The following TSR1 variants were observed in gnomAD, a reference collection of about 807,000 sequenced individuals.
The protein encoded by TSR1 is TSR1 ribosome maturation factor.
A neutral mutation model predicts 90.9 loss-of-function variants in TSR1; 81 were observed. The ratio of observed to expected loss-of-function variants is 0.89; its 90% CI spans 0.74 to 1.07. The LOEUF is 1.07. Among genes scored for constraint, TSR1 ranks in the 50% least tolerant of loss-of-function variants. TSR1 has a pLI of 0.00. For synonymous variants in TSR1, 362 were observed against 348.8 expected (o/e 1.04, Z -0.42); for missense variants, 989 against 987.3 (o/e 1.00, Z -0.02).
chr17:2,323,356 A>T lies in TSR1; in HGVS notation c.*840T>A, dbSNP rs1476183526. The T allele has an allele frequency of 6.2e-7, 1 of 1,613,756 alleles. No individual in the cohort carries two copies. Among genetic ancestry groups the T allele is most frequent in the Non-Finnish European group, 8.5e-7 (1 of 1,179,794 alleles). ...GAGGATGAAATTAAGGTGAGGCTCC[A>T]GCAAGAAAAGAAATAGCAAAGCATG... On this transcript the variant is annotated 3_prime_UTR_variant, in exon 15 of 15. Coordinates refer to ENST00000301364, the MANE Select transcript of TSR1 (RefSeq NM_018128.5).
chr17:2,333,731 CAG>C lies in TSR1; in HGVS notation c.982-17_982-16del. 1 of 1,613,772 alleles carries C rather than the reference CAG, an allele frequency of 6.2e-7. No individual in the cohort carries two copies. Among genetic ancestry groups the C allele is most frequent in the Non-Finnish European group, 8.5e-7 (1 of 1,179,844 alleles). ...GTAGCACAAATCTGAAAACCAAAAGCAGGTGATAGTCAACCATGAACCAAAAA... is the reference window on the plus strand; with the variant it reads ...GTAGCACAAATCTGAAAACCAAAAGCGTGATAGTCAACCATGAACCAAAAA... On this transcript the variant is annotated splice_polypyrimidine_tract_variant and intron_variant, in intron 5 of 14. Transcript: ENST00000301364.
At chr17:2,328,450 C>T (rs1025066623) in intron 11 of TSR1, among the ~76,000 whole-genome samples, 1 of 150,790 alleles carries the variant, frequency 6.6e-6, no homozygotes, top group Non-Finnish European at 1.5e-5. Context: ...TGGGCATGGT[C>T]GTGCATGCCT....
chr17:2,327,924 T>TA (rs907305419), intron 11 of TSR1, among the ~76,000 whole-genome samples: 32 of 146,838 alleles, frequency 2.2e-4, no homozygotes, highest in Middle Eastern at 3.5e-3. Flanking sequence ...TAGTTCATCC[T>TA]AAAAAAAAAA....
rs2075565055 is a variant in TSR1 at position 2,324,785 on chromosome 17, G to T, written c.2065C>A (p.Pro689Thr). ...ACTCTCTTGATGACCATTCTGTCTGGATCTACTGACATAAGATGGCCTGTA... is the reference window on the plus strand; with the variant it reads ...ACTCTCTTGATGACCATTCTGTCTGTATCTACTGACATAAGATGGCCTGTA... ...IATGHLMSVDPDRMVIKRVVL... is the reference protein window; with the variant it reads ...IATGHLMSVDTDRMVIKRVVL... The change falls in exon 13 of 15, where the codon CCA becomes ACA. Residue 689 changes from proline (P) to threonine (T), a missense_variant. Transcript: ENST00000301364. The T allele has an allele frequency of 6.2e-7, 1 of 1,613,950 alleles. No homozygotes were observed. The highest frequency in any genetic ancestry group is 1.1e-5 in the South Asian group (1 of 91,064).
chr17:2,336,131 G>A lies in TSR1; in HGVS notation c.107C>T (p.Ala36Val), dbSNP rs531147395. Residue 36 changes from alanine (A) to valine (V), a missense_variant, in exon 2 of 15, where the codon GCA becomes GTA. Physicochemically the swap from Ala to Val is moderately conservative, Grantham distance 64. Coordinates refer to ENST00000301364, the MANE Select transcript of TSR1 (RefSeq NM_018128.5). ...CACCTTCTTGCTTAGGGTTTTCAGTGCCAGACGGCCTGAATGGCAGATTAG... is the reference window on the plus strand; with the variant it reads ...CACCTTCTTGCTTAGGGTTTTCAGTACCAGACGGCCTGAATGGCAGATTAG... The part of the protein sequence containing the change: ...SAQRDGKGRL[A>V]LKTLSKKVRK... 2.5e-6 allele frequency: 4 copies of A among 1,614,172 alleles called. No individual in the cohort carries two copies. The highest frequency in any genetic ancestry group is 1.3e-5 in the African/African-American group (1 of 75,062).
chr17:2,332,131 G>T, intron 8 of TSR1, 38 bp downstream of exon 8: 1 of 1,592,044 alleles, frequency 6.3e-7, no homozygotes, highest in Non-Finnish European at 8.5e-7. Context: ...AAAACGTATT[G>T]ACTGAATTTA....
chr17:2,335,417 G>T (rs1322419799), intron 3 of TSR1, 23 bp from the exon 4 acceptor site: 1 of 1,593,962 alleles, frequency 6.3e-7, no homozygotes, highest in South Asian at 1.1e-5. Context: ...GACACAGTAA[G>T]AAGAGGTGGT....
At position 2,324,031 on chromosome 17, in the gene TSR1, T is replaced by G; in HGVS notation, c.*165A>C. 8.3e-7 allele frequency: 1 copy of G among 1,200,872 alleles called. No individual in the cohort carries two copies. 74.4% of individuals were successfully genotyped at this position (1,200,872 alleles called of 1,614,324 possible). On this transcript the variant is annotated 3_prime_UTR_variant, in exon 15 of 15. Transcript: ENST00000301364. ...TTTGGACTAAGTAGTGGAAAAACTT[T>G]TATACTTAACTGAGACATTTTGTCA...
chr17:2,322,490 C>T lies in TSR1; in HGVS notation c.*1706G>A, dbSNP rs189932514. On this transcript the variant is annotated 3_prime_UTR_variant, in exon 15 of 15. Transcript: ENST00000301364. ...CTCTTACTTGGGCAGAAATGTATTA[C>T]TTATTGTGCCTATTTTCTTTTTTTT... The T allele has an allele frequency of 6.6e-6, 1 of 152,270 alleles. No homozygotes were observed. Among genetic ancestry groups the T allele is most frequent in the African/African-American group, 2.4e-5 (1 of 41,520 alleles). 9.4% of individuals were successfully genotyped at this position (152,270 alleles called of 1,614,324 possible).
rs759910186 is a variant in TSR1 at position 2,335,550 on chromosome 17, G to C, written c.382C>G (p.Arg128Gly). The C allele has an allele frequency of 8.1e-6, 13 of 1,614,056 alleles. No individual in the cohort carries two copies. Among genetic ancestry groups the C allele is most frequent in the Non-Finnish European group, 1.1e-5 (13 of 1,180,020 alleles). The change falls in exon 3 of 15, where the codon CGC (arginine) becomes GGC (glycine). Residue 128 changes from arginine to glycine, a missense_variant. Physicochemically the swap from Arg to Gly is moderately radical, Grantham distance 125 (BLOSUM62 -2). Coordinates refer to ENST00000301364, the MANE Select transcript of TSR1 (RefSeq NM_018128.5). ...NTQNFMLLCP[R>G]LKHRWFFTSA... ...GTGAAAAACCACCGATGTTTCAAGC[G>C]GGGGCACAGCAGCATAAAGTTCTGG...
intron 2 of TSR1, 139 bp downstream of exon 2, chr17:2,335,898 C>G: frequency 8.2e-7 from 1 of 1,215,774 alleles, no homozygotes; most frequent in Non-Finnish European, 1.2e-6. Flanking sequence ...GCAAAGAATG[C>G]TAGACCTGCA....
rs766636469 is a variant in TSR1 at position 2,330,498 on chromosome 17, ACAAGACAGCAATTTACCTTCTGTT to A, written c.1763_1770+16del. ...AAGTTTCACAACCCCCCATTTTCCCACAAGACAGCAATTTACCTTCTGTTCATGAGGTAGTAAAGAAAATGCAAT... is the reference window on the plus strand; with the variant it reads ...AAGTTTCACAACCCCCCATTTTCCCACATGAGGTAGTAAAGAAAATGCAAT... On this transcript the variant is annotated splice_donor_variant and splice_donor_5th_base_variant and coding_sequence_variant and intron_variant, in exon 10 of 15. Transcript: ENST00000301364. LOFTEE classifies it high-confidence loss of function. 17 of 1,609,534 alleles carry A rather than the reference ACAAGACAGCAATTTACCTTCTGTT, an allele frequency of 1.1e-5. No homozygotes were observed. The African/African-American group carries it at 2.1e-4, about 20-fold the overall frequency.
chr17:2,333,144 T>G lies in TSR1; in HGVS notation c.1142-20A>C. ...AGAAATCTGTAAAAGCCCAAACAAA[T>G]TAAGTAAATTACAGACTTCTTTTCC... On this transcript the variant is annotated intron_variant, in intron 6 of 14. Coordinates refer to ENST00000301364, the MANE Select transcript of TSR1 (RefSeq NM_018128.5). 1 of 1,612,370 alleles carries G rather than the reference T, an allele frequency of 6.2e-7. No homozygotes were observed. The highest frequency in any genetic ancestry group is 8.5e-7 in the Non-Finnish European group (1 of 1,178,922).
intron 10 of TSR1, 85 bp downstream of exon 10, chr17:2,330,430 A>T: frequency 3.2e-6 from 4 of 1,238,786 alleles, no homozygotes; most frequent in African/African-American, 1.5e-5. Context: ...GCAAAATTTT[A>T]GTCACACATA....
In TSR1 at chr17:2,323,183, A is replaced by G. The variant is rs2075548221; in HGVS notation, c.*1013T>C. On this transcript the variant is annotated 3_prime_UTR_variant, in exon 15 of 15. Transcript: ENST00000301364. ...TATATGCTGCTGAACCCTCAAATGCAGATGACTGCTACCAGTCCAAGCTGA... is the reference window on the plus strand; with the variant it reads ...TATATGCTGCTGAACCCTCAAATGCGGATGACTGCTACCAGTCCAAGCTGA... 6.2e-7 allele frequency: 1 copy of G among 1,614,134 alleles called. No homozygotes were observed. Among genetic ancestry groups the G allele is most frequent in the African/African-American group, 1.3e-5 (1 of 74,944 alleles).
chr17:2,325,733 C>T (rs922930638), intron 11 of TSR1, among the ~76,000 whole-genome samples: 3 of 152,004 alleles, frequency 2.0e-5, no homozygotes, highest in Admixed American at 6.6e-5. Context: ...CTGCCTCAGC[C>T]TCCTGAGTAG....
intron 6 of TSR1, 32 bp downstream of exon 6, chr17:2,333,525 G>C (rs1468132105): frequency 6.2e-7 from 1 of 1,613,534 alleles, no homozygotes; most frequent in Non-Finnish European, 8.5e-7. Flanking sequence ...TTCCAGGTCA[G>C]ATGAATTACA....
chr17:2,334,089 C>T (rs2064026932), intron 5 of TSR1, among the ~76,000 whole-genome samples: 3 of 152,176 alleles, frequency 2.0e-5, no homozygotes, highest in South Asian at 4.1e-4. Context: ...ATTTATCCTT[C>T]TCAACACCTA....
In TSR1 at chr17:2,323,993, T is replaced by C. The variant is rs924572861; in HGVS notation, c.*203A>G. The stretch of plus-strand genomic sequence containing the variant: ...ATGGAGAGTGGCTATTTCATTAAGA[T>C]TTAATAGTTTTTTTTGGACTAAGTA... On this transcript the variant is annotated 3_prime_UTR_variant, in exon 15 of 15. Coordinates refer to ENST00000301364, the MANE Select transcript of TSR1 (RefSeq NM_018128.5). The C allele has an allele frequency of 2.6e-6, 3 of 1,152,390 alleles. No homozygotes were observed. The highest frequency in any genetic ancestry group is 2.4e-6 in the Non-Finnish European group (2 of 823,876). The allele number at this position is 1,152,390 out of a possible 1,614,324, so 71.4% of individuals were successfully genotyped here.
Sources: gnomAD v4.1 joint callset for allele counts (sites outside exome capture counted in the v4.1 genomes callset) on GRCh38, gnomAD v4.1.1 for gene constraint, MANE v1.5 for transcripts, NCBI Gene and HGNC (gene_info 2026-07-23, HGNC 2026-07-21) for gene names.